The following UNC5C variants were observed in gnomAD, a reference collection of about 807,000 sequenced individuals.
UNC5C encodes the protein netrin receptor UNC5C.
UNC5C carries 47 observed loss-of-function variants against 99.8 expected under a neutral mutation model. That is an observed-to-expected ratio of 0.47 (90% CI 0.37 to 0.60). UNC5C has a LOEUF of 0.60. UNC5C is among the 20% of genes least tolerant of loss of function. The pLI, the probability that UNC5C is intolerant of heterozygous loss-of-function variation, is 0.00. For missense variants in UNC5C, 1,062 were observed against 1,165.9 expected (o/e 0.91, Z 1.30); for synonymous variants, 487 against 452.2 (o/e 1.08, Z -0.98).
At chr4:95,486,929 G>T (rs552422532) in intron 1 of UNC5C, among the ~76,000 whole-genome samples, 1 of 151,654 alleles carries the variant, frequency 6.6e-6, no homozygotes, top group Non-Finnish European at 1.5e-5. Context: ...GGTCATCAGG[G>T]CTCCATTCTC....
At chr4:95,255,564 C>T (rs1170708916) in intron 4 of UNC5C, among the ~76,000 whole-genome samples, 2 of 152,154 alleles carry the variant, frequency 1.3e-5, no homozygotes, top group Middle Eastern at 6.3e-3. Flanking sequence ...TGTGTCCTCA[C>T]CCCCATCTGC....
chr4:95,301,540 A>T (rs1741877629), intron 3 of UNC5C, 66 bp downstream of exon 3: 9 of 1,602,920 alleles, frequency 5.6e-6, no homozygotes, highest in African/African-American at 1.3e-5. Flanking sequence ...GAGTAGTCAC[A>T]GTGTAAACTT....
intron 14 of UNC5C, among the ~76,000 whole-genome samples, chr4:95,178,275 C>T (rs180878291): frequency 2.6e-5 from 4 of 152,340 alleles, no homozygotes; most frequent in Admixed American, 2.6e-4. Flanking sequence ...TCTTTGATCT[C>T]TGTCAGGCAA....
In UNC5C at chr4:95,165,846, GT is replaced by G. The variant is rs1485652472; in HGVS notation, c.*3387del. 1 of 152,108 alleles carries G rather than the reference GT, an allele frequency of 6.6e-6. No homozygotes were observed. Among genetic ancestry groups the G allele is most frequent in the Non-Finnish European group, 1.5e-5 (1 of 68,010 alleles). The allele number at this position is 152,108 out of a possible 1,614,324, so 9.4% of individuals were successfully genotyped here. ...TAAAAATGACAACTCTTCAAAGACT[GT>G]TTTATATAGATTTTACATAGTTCTG... On this transcript the variant is annotated 3_prime_UTR_variant, in exon 16 of 16. Coordinates refer to ENST00000453304, the MANE Select transcript of UNC5C (RefSeq NM_003728.4).
chr4:95,250,121 C>T (rs1331812242), intron 5 of UNC5C, among the ~76,000 whole-genome samples: 1 of 152,080 alleles, frequency 6.6e-6, no homozygotes, highest in East Asian at 1.9e-4. Flanking sequence ...TGAGAAAGGG[C>T]TGAGGTTGTC....
chr4:95,302,596 A>G (rs1281490896), intron 2 of UNC5C, among the ~76,000 whole-genome samples: 1 of 152,238 alleles, frequency 6.6e-6, no homozygotes, highest in South Asian at 2.1e-4. Context: ...CAGTTCTCCC[A>G]GAGCTTGAAC....
intron 10 of UNC5C, among the ~76,000 whole-genome samples, chr4:95,210,813 C>G (rs1350457348): frequency 6.6e-6 from 1 of 152,164 alleles, no homozygotes; most frequent in Non-Finnish European, 1.5e-5. Flanking sequence ...TCATCCTTTG[C>G]TTGTCATTAT....
At chr4:95,484,094 T>A (rs1410839585) in intron 1 of UNC5C, among the ~76,000 whole-genome samples, 5 of 151,678 alleles carry the variant, frequency 3.3e-5, no homozygotes, top group African/African-American at 1.2e-4. Flanking sequence ...ATCAGAGTGG[T>A]GAGTGCTATG....
intron 1 of UNC5C, among the ~76,000 whole-genome samples, chr4:95,444,036 T>A (rs1464303434): frequency 6.6e-6 from 1 of 152,328 alleles, no homozygotes; most frequent in South Asian, 2.1e-4. Context: ...TGGCTATTAA[T>A]ATAGCGCATC....
chr4:95,528,221 G>A (rs1048044642), intron 1 of UNC5C, among the ~76,000 whole-genome samples: 2 of 152,064 alleles, frequency 1.3e-5, no homozygotes, highest in Admixed American at 6.6e-5. Context: ...TTCATACAAA[G>A]TCCTCTAGCC....
chr4:95,189,975 G>A (rs573829203), intron 12 of UNC5C, among the ~76,000 whole-genome samples: 40 of 152,244 alleles, frequency 2.6e-4, no homozygotes, highest in South Asian at 6.2e-4. Context: ...ATTTGACCCA[G>A]CCATCCCATT....
intron 1 of UNC5C, among the ~76,000 whole-genome samples, chr4:95,367,335 A>C (rs946387837): frequency 1.3e-5 from 2 of 151,510 alleles, no homozygotes; most frequent in African/African-American, 4.9e-5. Flanking sequence ...TGCCCAGCTA[A>C]TTTTTTTGTA....
intron 2 of UNC5C, among the ~76,000 whole-genome samples, chr4:95,324,282 A>T (rs759527339): frequency 1.3e-5 from 2 of 152,046 alleles, no homozygotes; most frequent in Non-Finnish European, 2.9e-5. Flanking sequence ...CATGCAAGGG[A>T]TATAGGTTGC....
At chr4:95,249,918 C>T (rs898587674) in intron 5 of UNC5C, among the ~76,000 whole-genome samples, 3 of 152,170 alleles carry the variant, frequency 2.0e-5, no homozygotes, top group Non-Finnish European at 4.4e-5. Context: ...GGGAATAGGT[C>T]AGCTCCCGCT....
At chr4:95,452,463 A>G (rs777359802) in intron 1 of UNC5C, among the ~76,000 whole-genome samples, 9 of 152,306 alleles carry the variant, frequency 5.9e-5, no homozygotes, top group Non-Finnish European at 1.3e-4. Context: ...ACCAGGGGAC[A>G]GTTCCACACA....
At chr4:95,327,413 GAAAAAAACTCAAACAAT>G (rs1191386136) in intron 2 of UNC5C, among the ~76,000 whole-genome samples, 1 of 151,638 alleles carries the variant, frequency 6.6e-6, no homozygotes, top group Non-Finnish European at 1.5e-5. Context: ...TCACAGGATT[GAAAAAAACTCAAACAAT>G]AAAAGTCCCT....
At chr4:95,383,371 G>A (rs889992908) in intron 1 of UNC5C, among the ~76,000 whole-genome samples, 2 of 152,040 alleles carry the variant, frequency 1.3e-5, no homozygotes, top group African/African-American at 4.8e-5. Context: ...TCAATTATAT[G>A]TGCATGGGTT....
chr4:95,239,910 C>G (rs149232704), intron 7 of UNC5C, among the ~76,000 whole-genome samples: 13 of 152,244 alleles, frequency 8.5e-5, no homozygotes, highest in African/African-American at 2.6e-4. Flanking sequence ...ATCTAGGTAA[C>G]TCTGAATCCT....
At chr4:95,343,026 A>C (rs1410451174) in intron 1 of UNC5C, among the ~76,000 whole-genome samples, 1 of 152,006 alleles carries the variant, frequency 6.6e-6, no homozygotes, top group Non-Finnish European at 1.5e-5. Context: ...TAGATTCTTA[A>C]GGTTTCTGAC....
Sources: allele counts gnomAD v4.1 joint callset (sites outside exome capture counted in the v4.1 genomes callset), GRCh38; gene constraint gnomAD v4.1.1; transcripts MANE v1.5; gene names NCBI Gene and HGNC (gene_info 2026-07-23, HGNC 2026-07-21).